The following PTCHD4 variants were observed in gnomAD, a reference collection of about 807,000 sequenced individuals.
PTCHD4 encodes the protein patched domain containing 4.
A neutral mutation model predicts 58.1 loss-of-function variants in PTCHD4; 33 were observed. That is an observed-to-expected ratio of 0.57 (90% confidence interval 0.43 to 0.76). The LOEUF (loss-of-function observed/expected upper bound fraction) is 0.76, where lower values mean the gene tolerates loss of function less well. Ranked by LOEUF, PTCHD4 falls within the 30% of genes least tolerant of loss-of-function variation. The pLI is 0.00. For missense variants in PTCHD4, 1,058 were observed against 1,027.1 expected (o/e 1.03, Z -0.41); for synonymous variants, 478 against 409.6 (o/e 1.17, Z -2.02).
At chr6:48,020,167 G>A (rs17660181) in intron 3 of PTCHD4, among the ~76,000 whole-genome samples, 27,111 of 152,038 alleles carry the variant, frequency 0.18, 2,935 homozygotes, top group South Asian at 0.26. Flanking sequence ...ATGCCTTGGG[G>A]ATGGCTATGA....
At chr6:48,044,893 G>A (rs1763978537) in intron 3 of PTCHD4, among the ~76,000 whole-genome samples, 1 of 151,794 alleles carries the variant, frequency 6.6e-6, no homozygotes, top group Admixed American at 6.6e-5. Context: ...ATAAGATTTA[G>A]AGGCTACAAT....
At chr6:47,901,878 C>G in intron 4 of PTCHD4, 1 of 1,303,396 alleles carries the variant, frequency 7.7e-7, no homozygotes, top group South Asian at 1.2e-5. Flanking sequence ...TTCCTTCTCT[C>G]CTTTCTTTCT....
At chr6:48,036,380 G>A (rs751915092) in intron 3 of PTCHD4, among the ~76,000 whole-genome samples, 9 of 151,970 alleles carry the variant, frequency 5.9e-5, no homozygotes, top group Non-Finnish European at 8.8e-5. Context: ...AGTTTCCTGT[G>A]GTCAAGTATG....
chr6:47,933,390 C>T (rs1048599109), intron 4 of PTCHD4, among the ~76,000 whole-genome samples: 14 of 152,186 alleles, frequency 9.2e-5, no homozygotes, highest in Admixed American at 7.9e-4. Flanking sequence ...TCTGTGTCCA[C>T]GAAGATGCAG....
chr6:48,013,997 C>T (rs1033688946), intron 3 of PTCHD4, among the ~76,000 whole-genome samples: 5 of 152,046 alleles, frequency 3.3e-5, no homozygotes, highest in Non-Finnish European at 7.4e-5. Flanking sequence ...TGGCTAGCTG[C>T]TAACTCCTCT....
intron 4 of PTCHD4, among the ~76,000 whole-genome samples, chr6:47,928,755 G>A (rs976901576): frequency 2.6e-5 from 4 of 152,088 alleles, no homozygotes; most frequent in African/African-American, 7.2e-5. Context: ...TGTGAGTTCC[G>A]TGAGGATAAG....
At chr6:48,001,750 T>C (rs1768731406) in intron 4 of PTCHD4, among the ~76,000 whole-genome samples, 1 of 152,138 alleles carries the variant, frequency 6.6e-6, no homozygotes, top group African/African-American at 2.4e-5. Flanking sequence ...AAAGCCAAAA[T>C]TGACAAATGG....
At chr6:48,005,044 T>A (rs532201952) in intron 4 of PTCHD4, among the ~76,000 whole-genome samples, 6 of 152,252 alleles carry the variant, frequency 3.9e-5, no homozygotes, top group African/African-American at 1.4e-4. Flanking sequence ...CACATATAAT[T>A]TTTTTTATGA....
chr6:47,973,124 T>C lies in PTCHD4; in HGVS notation c.898+35510A>G, dbSNP rs560665309. 2.0e-5 allele frequency among the ~76,000 whole-genome samples: 3 copies of C among 152,338 alleles called. No homozygotes were observed. The South Asian group carries it at 6.2e-4, about 32-fold the overall frequency. ...AATGTGTGCTTAACTTATACCATTA[T>C]GTATATATTTCACATTTGAAAGAGA... On this transcript the variant is annotated intron_variant, in intron 4 of 4. Coordinates refer to ENST00000339488, the MANE Select transcript of PTCHD4 (RefSeq NM_001384253.1).
intron 4 of PTCHD4, among the ~76,000 whole-genome samples, chr6:47,952,298 T>C (rs1766684937): frequency 6.6e-6 from 1 of 152,162 alleles, no homozygotes; most frequent in Non-Finnish European, 1.5e-5. Flanking sequence ...TTCTTATCTA[T>C]CGCAGCTATA....
intron 4 of PTCHD4, among the ~76,000 whole-genome samples, chr6:47,984,085 A>T (rs962268321): frequency 1.3e-5 from 2 of 152,210 alleles, no homozygotes; most frequent in African/African-American, 4.8e-5. Flanking sequence ...ATGCTTCTAT[A>T]TAAATAAGTA....
intron 4 of PTCHD4, among the ~76,000 whole-genome samples, chr6:47,896,264 T>C (rs185792468): frequency 1.3e-5 from 2 of 152,346 alleles, no homozygotes; most frequent in Admixed American, 6.5e-5. Flanking sequence ...TGTGGTCCAG[T>C]CAGTACTGTA....
Position 47,879,485 on chromosome 6 carries a change from A to G in PTCHD4, c.1350T>C (p.His450=), listed in dbSNP as rs1487454817. ...ATATATTGGTAATCCATTCATTATA[A>G]TGTTCACGGAGGAAGTGCTGAATGA... is the stretch of plus-strand genomic sequence containing the variant. ...HHFIQHFLRE[H]YNEWITNIYV... is the part of the protein sequence containing the mutation. The change falls in exon 5 of 5, where the codon CAT becomes CAC. Residue 450 remains histidine (H), a synonymous_variant. Coordinates refer to ENST00000339488, the MANE Select transcript of PTCHD4 (RefSeq NM_001384253.1). 6.2e-7 allele frequency: 1 copy of G among 1,613,576 alleles called. No individual in the cohort carries two copies. The highest frequency in any genetic ancestry group is 1.3e-5 in the African/African-American group (1 of 74,888).
At chr6:47,971,208 A>T (rs893536701) in intron 4 of PTCHD4, among the ~76,000 whole-genome samples, 13 of 152,178 alleles carry the variant, frequency 8.5e-5, no homozygotes, top group African/African-American at 3.1e-4. Flanking sequence ...GAACATAAAA[A>T]CTATAATTGA....
intron 4 of PTCHD4, among the ~76,000 whole-genome samples, chr6:47,898,307 CCTG>C (rs1395802811): frequency 6.6e-6 from 1 of 152,150 alleles, no homozygotes; most frequent in African/African-American, 2.4e-5. Flanking sequence ...CTATCATAAT[CCTG>C]TCTCTAAAAT....
At chr6:47,920,346 T>C (rs1765391748) in intron 4 of PTCHD4, among the ~76,000 whole-genome samples, 1 of 152,136 alleles carries the variant, frequency 6.6e-6, no homozygotes, top group South Asian at 2.1e-4. Flanking sequence ...AGTGATTGTG[T>C]GGCTTGTGAT....
rs1763369251 is a variant in PTCHD4 at position 47,859,431 on chromosome 6, A to G, written c.*18872T>C. 6.6e-6 allele frequency among the ~76,000 whole-genome samples: 1 copy of G among 152,040 alleles called. No individual in the cohort carries two copies. The highest frequency in any genetic ancestry group is 2.4e-5 in the African/African-American group (1 of 41,424). ...TGGGCAAACAACTTTCAAATGTATC[A>G]GTAAGTTTACCTTAAAATGACTTAC... On this transcript the variant is annotated 3_prime_UTR_variant, in exon 5 of 5. Coordinates refer to ENST00000339488, the MANE Select transcript of PTCHD4 (RefSeq NM_001384253.1).
At position 48,068,456 on chromosome 6, in the gene PTCHD4, T is replaced by A; in HGVS notation, c.191A>T (p.Glu64Val). Residue 64 changes from glutamate to valine, a missense_variant, in exon 3 of 5, where the codon GAG (glutamate) becomes GTG (valine). Physicochemically the swap from Glu to Val is moderately radical, Grantham distance 121. Transcript: ENST00000339488. The surrounding 1 kb of genome is among the most constrained non-coding windows in gnomAD (Gnocchi z 4.2). ...AGCGACCAGGCGCTCCAGGTCGCCC[T>A]CGGGCTGGAAGCGGTTGAGCGCGCT... ...GLSALNRFQPEGDLERLVAPS... is the reference protein window; with the variant it reads ...GLSALNRFQPVGDLERLVAPS... 1 of 1,613,746 alleles carries A rather than the reference T, an allele frequency of 6.2e-7. No homozygotes were observed. Among genetic ancestry groups the A allele is most frequent in the Non-Finnish European group, 8.5e-7 (1 of 1,179,832 alleles).
chr6:48,083,907 C>T (rs775647955), intron 1 of PTCHD4, among the ~76,000 whole-genome samples: 1 of 152,100 alleles, frequency 6.6e-6, no homozygotes, highest in African/African-American at 2.4e-5. Flanking sequence ...CCTTGATTTT[C>T]GTCTCAAGAG....
Sources: allele counts gnomAD v4.1 joint callset (sites outside exome capture counted in the v4.1 genomes callset), GRCh38; gene constraint gnomAD v4.1.1; non-coding constraint Gnocchi (gnomAD v3.1); transcripts MANE v1.5; gene names NCBI Gene and HGNC (gene_info 2026-07-23, HGNC 2026-07-21).